Variants in ADGRG7 observed in about 807,000 individuals in gnomAD.
The protein encoded by ADGRG7 is G-protein coupled receptor 128.
In ADGRG7, 82 loss-of-function variants were observed where a neutral mutation model predicts 88.6. The ratio of observed to expected loss-of-function variants is 0.93; its 90% CI spans 0.77 to 1.11. The LOEUF (loss-of-function observed/expected upper bound fraction) is 1.11. Ranked by LOEUF, ADGRG7 falls within the 50% of genes most tolerant of loss-of-function variation. The pLI, the probability that ADGRG7 is intolerant of heterozygous loss-of-function variation, is 0.00. For missense variants in ADGRG7, 945 were observed against 953.4 expected, an observed-to-expected ratio of 0.99 and a Z score of 0.12; for synonymous variants, 381 against 345.2, an observed-to-expected ratio of 1.10 and a Z score of -1.15.
rs758829809 is a variant in ADGRG7, at chr3:100,609,935, C to A, written c.79C>A (p.Leu27Met). 3.1e-6 allele frequency: 5 copies of A among 1,613,642 alleles called. No homozygotes were observed. The highest frequency in any genetic ancestry group is 4.2e-6 in the Non-Finnish European group (5 of 1,179,770). The change falls in exon 1 of 16, where the codon CTG becomes ATG. Residue 27 changes from leucine (L) to methionine (M), a missense_variant. Coordinates refer to ENST00000273352, the MANE Select transcript of ADGRG7 (RefSeq NM_032787.3). ...CGLLTGIILG[L>M]GIWRIVIRIQ... Reference sequence around the variant, plus strand: ...ACTACTGACTGGCATCATTTTGGGACTGGGCATCTGGAGGATTGTGATCAG... The same window carrying A: ...ACTACTGACTGGCATCATTTTGGGAATGGGCATCTGGAGGATTGTGATCAG...
At chr3:100,621,064 A>G (rs912353055) in intron 1 of ADGRG7, among the ~76,000 whole-genome samples, 2 of 152,112 alleles carry the variant, frequency 1.3e-5, no homozygotes, top group African/African-American at 4.8e-5. Flanking sequence ...AACCACGTCC[A>G]TGTAAAGATG....
rs1451465168 is a variant in ADGRG7, at chr3:100,656,115, T to C, written c.1823+120T>C. On this transcript the variant is annotated intron_variant, in intron 13 of 15. Coordinates refer to ENST00000273352, the MANE Select transcript of ADGRG7 (RefSeq NM_032787.3). The stretch of plus-strand genomic sequence containing the variant: ...ACTTTATAATTGTCATGTTTAGTGG[T>C]AGACATTTGAAATTCTCAAAGAACA... 12 of 546,894 alleles carry C rather than the reference T, an allele frequency of 2.2e-5. No homozygotes were observed. The South Asian group carries it at 2.4e-4, about 11-fold the overall frequency. 33.9% of individuals were successfully genotyped at this position (546,894 alleles called of 1,614,324 possible).
At chr3:100,678,663 C>A (rs1463540869) in intron 15 of ADGRG7, among the ~76,000 whole-genome samples, 2 of 152,214 alleles carry the variant, frequency 1.3e-5, no homozygotes, top group Non-Finnish European at 2.9e-5. Context: ...CTTTAGGGGG[C>A]ACCCCAAGTC....
At chr3:100,672,376 G>C (rs1482009381) in intron 15 of ADGRG7, among the ~76,000 whole-genome samples, 1 of 152,150 alleles carries the variant, frequency 6.6e-6, no homozygotes, top group African/African-American at 2.4e-5. Flanking sequence ...TTGGTGGATA[G>C]GAATGCTTGT....
chr3:100,682,922 G>A (rs1226553477), intron 15 of ADGRG7, among the ~76,000 whole-genome samples: 1 of 152,180 alleles, frequency 6.6e-6, no homozygotes, highest in African/African-American at 2.4e-5. Context: ...CCCTGCCTGG[G>A]TGCCATGAAT....
At chr3:100,613,830 G>A (rs1341949809) in intron 1 of ADGRG7, among the ~76,000 whole-genome samples, 2 of 152,066 alleles carry the variant, frequency 1.3e-5, no homozygotes, top group Non-Finnish European at 2.9e-5. Context: ...TGGTTAAAAT[G>A]GACACTTGAG....
intron 15 of ADGRG7, among the ~76,000 whole-genome samples, chr3:100,686,758 A>G (rs2094983430): frequency 6.6e-6 from 1 of 152,196 alleles, no homozygotes; most frequent in South Asian, 2.1e-4. Flanking sequence ...TACCAGTACC[A>G]TGCTGTTTTG....
intron 1 of ADGRG7, among the ~76,000 whole-genome samples, chr3:100,612,163 A>G (rs2149009842): frequency 6.6e-6 from 1 of 152,260 alleles, no homozygotes; most frequent in East Asian, 1.9e-4. Flanking sequence ...CATATAAATT[A>G]AGTCTCTTTC....
At chr3:100,674,436 T>C (rs1326494187) in intron 15 of ADGRG7, among the ~76,000 whole-genome samples, 1 of 152,228 alleles carries the variant, frequency 6.6e-6, no homozygotes, top group Non-Finnish European at 1.5e-5. Context: ...GGAATCTCTT[T>C]CCATTTTTTG....
intron 15 of ADGRG7, 69 bp downstream of exon 15, chr3:100,669,174 T>C: frequency 7.9e-7 from 1 of 1,267,324 alleles, no homozygotes; most frequent in Non-Finnish European, 1.1e-6. Context: ...ATATCTTAGT[T>C]ACCTTTAAGA....
intron 15 of ADGRG7, among the ~76,000 whole-genome samples, chr3:100,676,605 T>C (rs571898076): frequency 5.0e-4 from 76 of 152,254 alleles, no homozygotes; most frequent in African/African-American, 1.7e-3. Flanking sequence ...TATAATTATC[T>C]ATTAGGCCCA....
intron 6 of ADGRG7, among the ~76,000 whole-genome samples, chr3:100,640,760 G>T (rs542657853): frequency 6.6e-6 from 1 of 152,270 alleles, no homozygotes; most frequent in South Asian, 2.1e-4. Flanking sequence ...GACCTCAGGT[G>T]ATCCACCTGC....
rs143646459 is a variant in ADGRG7, at chr3:100,633,286, G to T, written c.356G>T (p.Arg119Leu). The T allele has an allele frequency of 2.7e-5, 40 of 1,500,002 alleles. No individual in the cohort carries two copies. The highest frequency in any genetic ancestry group is 3.6e-5 in the Non-Finnish European group (40 of 1,121,910). The allele number at this position is 1,500,002 out of a possible 1,614,324, so 92.9% of individuals were successfully genotyped here. The change falls in exon 4 of 16, where the codon CGG becomes CTG. Residue 119 changes from arginine to leucine, a missense_variant. By Grantham distance (102) the Arg-to-Leu change is moderately radical. Transcript: ENST00000273352. ...TPNAGNPMAV[R>L]LCSLSLYGEI... is the part of the protein sequence containing the mutation. ...AAAGCGGGCAATCCAATGGCAGTCC[G>T]GTTGTGCAGTCTCTCTCTATATGGA...
At chr3:100,684,799 A>G (rs2094979451) in intron 15 of ADGRG7, among the ~76,000 whole-genome samples, 1 of 151,926 alleles carries the variant, frequency 6.6e-6, no homozygotes. Flanking sequence ...TCTTTATTAA[A>G]TATTACTACA....
chr3:100,613,057 T>A (rs1284983824), intron 1 of ADGRG7, among the ~76,000 whole-genome samples: 2 of 152,014 alleles, frequency 1.3e-5, no homozygotes, highest in Non-Finnish European at 2.9e-5. Context: ...GCCTGGCTAT[T>A]TTGTGTATTT....
intron 14 of ADGRG7, chr3:100,665,518 C>T: frequency 2.1e-6 from 1 of 467,648 alleles, no homozygotes; most frequent in South Asian, 1.6e-5. Context: ...CACTTGGGCA[C>T]CTTTTTCTAG....
At chr3:100,637,183 C>G (rs4144968) in intron 5 of ADGRG7, 119 bp from the exon 6 acceptor site, 455,850 of 660,766 alleles carry the variant, frequency 0.69, 160,920 homozygotes, top group East Asian at 0.99. Context: ...TAAAATGCTT[C>G]CCTCTACATT....
chr3:100,691,380 C>G (rs2094993488), intron 15 of ADGRG7, among the ~76,000 whole-genome samples: 1 of 152,190 alleles, frequency 6.6e-6, no homozygotes, highest in African/African-American at 2.4e-5. Context: ...CTTGCACCCA[C>G]TGTCTGGCAC....
chr3:100,650,639 G>A (rs752034940), intron 11 of ADGRG7, among the ~76,000 whole-genome samples: 1 of 152,166 alleles, frequency 6.6e-6, no homozygotes, highest in African/African-American at 2.4e-5. Flanking sequence ...AACAAGAAGT[G>A]CGTATCAGTA....
Sources: allele counts gnomAD v4.1 joint callset (sites outside exome capture counted in the v4.1 genomes callset), GRCh38; gene constraint gnomAD v4.1.1; transcripts MANE v1.5; gene names NCBI Gene and HGNC (gene_info 2026-07-23, HGNC 2026-07-21).